Variants in RGS6 observed in about 807,000 individuals in gnomAD.
RGS6 encodes the protein regulator of G-protein signaling 6.
A neutral mutation model predicts 78.5 loss-of-function variants in RGS6; 30 were observed. The observed-to-expected ratio is 0.38, with a 90% CI of 0.29 to 0.52. The LOEUF (loss-of-function observed/expected upper bound fraction) is 0.52. Among genes scored for constraint, RGS6 ranks in the 20% least tolerant of loss-of-function variants. The pLI is 0.85. For missense variants in RGS6, 495 were observed against 609.7 expected (o/e 0.81, Z 1.98); for synonymous variants, 206 against 206.0 (o/e 1.00, Z 0.00).
the RGS6 span, among the ~76,000 whole-genome samples, chr14:72,608,810 A>G: frequency 6.6e-6 from 1 of 152,136 alleles, no homozygotes; most frequent in Non-Finnish European, 1.5e-5. Flanking sequence ...GAGACCTGGA[A>G]TTTGTTGCTC....
intron 2 of RGS6, among the ~76,000 whole-genome samples, chr14:72,143,517 G>T (rs2096568888): frequency 6.6e-6 from 1 of 152,140 alleles, no homozygotes; most frequent in Non-Finnish European, 1.5e-5. Context: ...TGCTGATTGT[G>T]CTGGAATTTA....
chr14:72,331,434 T>G (rs900826527), intron 2 of RGS6, among the ~76,000 whole-genome samples: 3 of 152,038 alleles, frequency 2.0e-5, no homozygotes, highest in Non-Finnish European at 4.4e-5. Context: ...CCCAACGAAG[T>G]TTTTATTATA....
intron 13 of RGS6, among the ~76,000 whole-genome samples, chr14:72,496,591 A>C (rs1043882268): frequency 1.3e-5 from 2 of 152,230 alleles, no homozygotes; most frequent in Admixed American, 6.5e-5. Flanking sequence ...TTTTCAATTT[A>C]TGTGTCTTTC....
intron 2 of RGS6, among the ~76,000 whole-genome samples, chr14:72,040,012 C>T (rs986340231): frequency 2.0e-5 from 3 of 151,946 alleles, no homozygotes; most frequent in African/African-American, 4.8e-5. Context: ...ACTTTGTTAC[C>T]AATCTTTCAA....
At chr14:72,293,075 C>CA (rs1320889785) in intron 2 of RGS6, among the ~76,000 whole-genome samples, 2 of 151,958 alleles carry the variant, frequency 1.3e-5, no homozygotes, top group East Asian at 1.9e-4. Context: ...AAACAGAAAC[C>CA]AAAAAAAGCC....
At chr14:72,043,737 C>G (rs755974047) in intron 2 of RGS6, among the ~76,000 whole-genome samples, 1 of 152,184 alleles carries the variant, frequency 6.6e-6, no homozygotes, top group Non-Finnish European at 1.5e-5. Flanking sequence ...TAGTGGTGGT[C>G]TCTAAGCTTC....
chr14:72,383,483 G>C (rs956743566), intron 3 of RGS6, among the ~76,000 whole-genome samples: 1 of 151,940 alleles, frequency 6.6e-6, no homozygotes, highest in Non-Finnish European at 1.5e-5. Context: ...CACCCACACT[G>C]TCAAGATTCT....
At chr14:72,077,219 A>G (rs2094609789) in intron 2 of RGS6, among the ~76,000 whole-genome samples, 1 of 151,976 alleles carries the variant, frequency 6.6e-6, no homozygotes, top group African/African-American at 2.4e-5. Context: ...ACACCTTTCC[A>G]TATCTTTATT....
In RGS6 at chr14:72,277,043, G is replaced by A. The variant is rs1245696070; in HGVS notation, c.85-75052G>A. 3.9e-5 allele frequency among the ~76,000 whole-genome samples: 6 copies of A among 152,256 alleles called. No homozygotes were observed. In the South Asian group the frequency reaches 8.3e-4, roughly 21 times the overall value. On this transcript the variant is annotated intron_variant, in intron 2 of 17. Coordinates refer to ENST00000553525, the MANE Select transcript of RGS6 (RefSeq NM_001204424.2). ...TAGAATGGTGCCTGGGATGTAGGAG[G>A]TATTCAATCCATACATATTGAATTG...
At position 72,364,713 on chromosome 14, in the gene RGS6, A is replaced by C. The variant is rs113207122; in HGVS notation, c.184+12519A>C. On this transcript the variant is annotated intron_variant, in intron 3 of 17. Coordinates refer to ENST00000553525, the MANE Select transcript of RGS6 (RefSeq NM_001204424.2). ...TGCACTGCTACATAACGTACTGTCC[A>C]TACCTACATGTGACTTTGCTAAATA... Among the ~76,000 whole-genome samples, 1,423 of 152,346 alleles carry C rather than the reference A, an allele frequency of 9.3e-3. 8 individuals are homozygous for C. The highest frequency in any genetic ancestry group is 0.021 in the South Asian group (103 of 4,830).
chr14:72,076,399 G>A (rs548412482), intron 2 of RGS6, among the ~76,000 whole-genome samples: 2 of 152,072 alleles, frequency 1.3e-5, no homozygotes, highest in Admixed American at 1.3e-4. Flanking sequence ...TTAATCAACT[G>A]TTTGGTATTT....
intron 2 of RGS6, among the ~76,000 whole-genome samples, chr14:72,225,146 A>G (rs2047818884): frequency 6.6e-6 from 1 of 152,184 alleles, no homozygotes; most frequent in Non-Finnish European, 1.5e-5. Context: ...TAATGACATT[A>G]GGCTCCTGGG....
intron 2 of RGS6, among the ~76,000 whole-genome samples, chr14:72,192,026 TG>T (rs765514339): frequency 4.1e-4 from 62 of 152,188 alleles, no homozygotes; most frequent in Non-Finnish European, 8.7e-4. Context: ...GACATGCACG[TG>T]GGTCATTTTG....
At chr14:72,341,754 T>G (rs897973928) in intron 2 of RGS6, among the ~76,000 whole-genome samples, 3 of 152,202 alleles carry the variant, frequency 2.0e-5, no homozygotes, top group Non-Finnish European at 4.4e-5. Context: ...ACCAAAGAGA[T>G]AATTTACATC....
intron 2 of RGS6, among the ~76,000 whole-genome samples, chr14:72,094,591 T>C (rs2332753): frequency 0.43 from 66,033 of 152,092 alleles, 16,391 homozygotes; most frequent in Non-Finnish European, 0.57. Flanking sequence ...GATGATGATT[T>C]TTTTTAATCA....
At chr14:71,955,760 C>T (rs997618714) in intron 1 of RGS6, among the ~76,000 whole-genome samples, 6 of 152,102 alleles carry the variant, frequency 3.9e-5, no homozygotes, top group Admixed American at 2.0e-4. Context: ...TATCTTATGC[C>T]GACCTCCAGT....
chr14:72,381,082 C>T (rs947658405), intron 3 of RGS6, among the ~76,000 whole-genome samples: 2 of 151,984 alleles, frequency 1.3e-5, no homozygotes, highest in Non-Finnish European at 2.9e-5. Flanking sequence ...GCAGATACCA[C>T]ATGTTGTCAC....
At chr14:72,162,104 C>T (rs149673) in intron 2 of RGS6, among the ~76,000 whole-genome samples, 12,563 of 152,038 alleles carry the variant, frequency 0.083, 714 homozygotes, top group East Asian at 0.29. Context: ...TTGACTATGA[C>T]ATAGCCAATA....
intron 2 of RGS6, among the ~76,000 whole-genome samples, chr14:72,029,568 T>C (rs2012352): frequency 0.044 from 6,655 of 152,302 alleles, 179 homozygotes; most frequent in African/African-American, 0.078. Flanking sequence ...GTACTTTCCT[T>C]TGCTGCAGGA....
Sources: gnomAD v4.1 joint callset for allele counts (sites outside exome capture counted in the v4.1 genomes callset) on GRCh38, gnomAD v4.1.1 for gene constraint, MANE v1.5 for transcripts, NCBI Gene and HGNC (gene_info 2026-07-23, HGNC 2026-07-21) for gene names.